GRIN2A: variants seen among roughly 807,000 people sequenced by gnomAD.
GRIN2A encodes glutamate receptor ionotropic, NMDA 2A.
In GRIN2A, 22 loss-of-function variants were observed where a neutral mutation model predicts 113.4. That is an observed-to-expected ratio of 0.19 (90% confidence interval 0.14 to 0.28). GRIN2A has a LOEUF of 0.28. Among genes scored for constraint, GRIN2A ranks in the 10% least tolerant of loss-of-function variants. GRIN2A has a pLI of 1.00. For missense variants in GRIN2A, 1,502 were observed against 1,887.0 expected, an observed-to-expected ratio of 0.80 and a Z score of 3.78; for synonymous variants, 827 against 738.4, an observed-to-expected ratio of 1.12 and a Z score of -1.94.
At chr16:10,072,823 T>A (rs185149608) in intron 2 of GRIN2A, among the ~76,000 whole-genome samples, 238 of 152,210 alleles carry the variant, frequency 1.6e-3, no homozygotes, top group African/African-American at 5.2e-3. Context: ...TCACTGAAGT[T>A]TGGGACACTA....
At chr16:9,793,310 A>G (rs1596413872) in intron 11 of GRIN2A, among the ~76,000 whole-genome samples, 1 of 152,108 alleles carries the variant, frequency 6.6e-6, no homozygotes, top group African/African-American at 2.4e-5. Flanking sequence ...TGTTCTTCTC[A>G]GTATCTTTTG....
At chr16:9,773,360 G>A (rs1364469952) in intron 11 of GRIN2A, among the ~76,000 whole-genome samples, 2 of 152,182 alleles carry the variant, frequency 1.3e-5, no homozygotes, top group African/African-American at 2.4e-5. Flanking sequence ...TAGGTAGGGT[G>A]AAGCATCAAA....
intron 8 of GRIN2A, among the ~76,000 whole-genome samples, chr16:9,833,398 G>A (rs2042531042): frequency 1.3e-5 from 2 of 152,180 alleles, no homozygotes; most frequent in African/African-American, 4.8e-5. Context: ...AATTGATTCA[G>A]TAGTTTGAGG....
At chr16:9,952,491 T>C (rs1285482550) in intron 2 of GRIN2A, among the ~76,000 whole-genome samples, 1 of 152,056 alleles carries the variant, frequency 6.6e-6, no homozygotes, top group Non-Finnish European at 1.5e-5. Flanking sequence ...CAGAGAAGTG[T>C]GTGGCTAGGG....
intron 11 of GRIN2A, among the ~76,000 whole-genome samples, chr16:9,792,299 T>G (rs540428703): frequency 1.3e-5 from 2 of 152,282 alleles, no homozygotes; most frequent in Non-Finnish European, 2.9e-5. Context: ...CATGGCTCAC[T>G]GCAGCCTCAA....
At chr16:9,997,058 T>C (rs2046236190) in intron 2 of GRIN2A, among the ~76,000 whole-genome samples, 2 of 152,166 alleles carry the variant, frequency 1.3e-5, no homozygotes, top group African/African-American at 2.4e-5. Flanking sequence ...CAAAAATGTA[T>C]CATCCTGACA....
chr16:9,784,449 A>AC lies in GRIN2A; in HGVS notation c.2356+13827_2356+13828insG, dbSNP rs1183726820. On this transcript the variant is annotated intron_variant, in intron 11 of 12. Transcript: ENST00000330684. ...CTAACAACAACAACAACCAAAAAAA[A>AC]AAAACAAACAAACAAAAAACCTAAA... Among the ~76,000 whole-genome samples the AC allele has an allele frequency of 2.3e-4, 34 of 149,668 alleles. 1 individual carries two copies. The highest frequency in any genetic ancestry group is 7.6e-4 in the African/African-American group (30 of 39,418).
chr16:9,988,929 C>T (rs1467402944), intron 2 of GRIN2A, among the ~76,000 whole-genome samples: 1 of 152,142 alleles, frequency 6.6e-6, no homozygotes, highest in African/African-American at 2.4e-5. Flanking sequence ...CCCTTCAAGC[C>T]AATATTGAAG....
chr16:9,812,500 G>A (rs2042106064), intron 10 of GRIN2A, among the ~76,000 whole-genome samples: 3 of 152,084 alleles, frequency 2.0e-5, no homozygotes, highest in Admixed American at 2.0e-4. Context: ...TTAACCGGGT[G>A]TGGTGGTGCA....
At chr16:9,772,439 A>T (rs1901329104) in intron 11 of GRIN2A, among the ~76,000 whole-genome samples, 1 of 152,162 alleles carries the variant, frequency 6.6e-6, no homozygotes, top group Non-Finnish European at 1.5e-5. Flanking sequence ...TGGTGCGATC[A>T]TAACTCACTA....
At chr16:10,179,852 C>G (rs972414213) in intron 2 of GRIN2A, 146 bp downstream of exon 2, 4 of 726,292 alleles carry the variant, frequency 5.5e-6, no homozygotes, top group Non-Finnish European at 9.8e-6. Flanking sequence ...AGACCTGGTT[C>G]TCACCAGGGC....
intron 4 of GRIN2A, among the ~76,000 whole-genome samples, chr16:9,879,427 T>C (rs1351368800): frequency 6.6e-6 from 1 of 152,178 alleles, no homozygotes; most frequent in Non-Finnish European, 1.5e-5. Flanking sequence ...TTTTTTAATC[T>C]ATCTAATTCC....
intron 2 of GRIN2A, among the ~76,000 whole-genome samples, chr16:10,171,230 G>A (rs2050034769): frequency 6.6e-6 from 1 of 152,164 alleles, no homozygotes; most frequent in African/African-American, 2.4e-5. Flanking sequence ...TTTGAACAAT[G>A]CACAAATTAC....
At chr16:9,783,122 T>A (rs761158690) in intron 11 of GRIN2A, among the ~76,000 whole-genome samples, 1 of 152,204 alleles carries the variant, frequency 6.6e-6, no homozygotes, top group African/African-American at 2.4e-5. Context: ...GTCTATATCA[T>A]CAGTGTATTA....
intron 2 of GRIN2A, among the ~76,000 whole-genome samples, chr16:10,094,313 C>T (rs939215385): frequency 1.3e-5 from 2 of 152,168 alleles, no homozygotes; most frequent in Non-Finnish European, 2.9e-5. Flanking sequence ...CTGCCACTCG[C>T]CTGCTGTGTG....
intron 2 of GRIN2A, among the ~76,000 whole-genome samples, chr16:10,129,333 G>T (rs1243188478): frequency 1.3e-5 from 2 of 151,550 alleles, no homozygotes; most frequent in African/African-American, 4.8e-5. Context: ...TAATGTCCCT[G>T]CTTTCAAAGG....
At chr16:9,951,997 C>T (rs947066268) in intron 2 of GRIN2A, among the ~76,000 whole-genome samples, 28 of 152,172 alleles carry the variant, frequency 1.8e-4, no homozygotes, top group African/African-American at 5.8e-4. Flanking sequence ...CAGCCCCCAA[C>T]GATACCGCTC....
intron 2 of GRIN2A, among the ~76,000 whole-genome samples, chr16:10,123,693 C>A (rs1427707760): frequency 6.6e-6 from 1 of 152,156 alleles, no homozygotes; most frequent in African/African-American, 2.4e-5. Flanking sequence ...CAGAGGATGT[C>A]AAAGCTGCTG....
chr16:9,820,580 A>G (rs1198154029), intron 10 of GRIN2A, among the ~76,000 whole-genome samples: 2 of 152,250 alleles, frequency 1.3e-5, no homozygotes, highest in Admixed American at 1.3e-4. Context: ...CAGCAATGAG[A>G]ATGAAAGCAC....
Sources: allele counts gnomAD v4.1 joint callset (sites outside exome capture counted in the v4.1 genomes callset), GRCh38; gene constraint gnomAD v4.1.1; transcripts MANE v1.5; gene names NCBI Gene and HGNC (gene_info 2026-07-23, HGNC 2026-07-21).